TRPV4: variants seen among roughly 807,000 people sequenced by gnomAD.
TRPV4 encodes OSM9-like transient receptor potential channel 4.
A neutral mutation model predicts 84.1 loss-of-function variants in TRPV4; 58 were observed. The observed-to-expected ratio is 0.69, with a 90% confidence interval of 0.56 to 0.86. The LOEUF (loss-of-function observed/expected upper bound fraction) is 0.86. Among genes scored for constraint, TRPV4 ranks in the 40% least tolerant of loss-of-function variants. The pLI, the probability that TRPV4 is intolerant of heterozygous loss-of-function variation, is 0.00. For synonymous variants in TRPV4, 489 were observed against 500.9 expected, an observed-to-expected ratio of 0.98 and a Z score of 0.32; for missense variants, 879 against 1,181.1, an observed-to-expected ratio of 0.74 and a Z score of 3.75.
At chr12:109,797,279 G>A (rs959158571) in intron 6 of TRPV4, among the ~76,000 whole-genome samples, 6 of 152,028 alleles carry the variant, frequency 3.9e-5, no homozygotes, top group Non-Finnish European at 8.8e-5. Context: ...AGCCTCCTGA[G>A]TAGCTGGGAT....
chr12:109,796,005 C>G lies in TRPV4; in HGVS notation c.1332+520G>C, dbSNP rs572156242. On this transcript the variant is annotated intron_variant, in intron 7 of 15. Transcript: ENST00000261740. This position sits in a 1 kb window ranked among gnomAD's most constrained non-coding sequence, Gnocchi z 4.2. ...AACTCCTGGCTTCAAGCAATCCGCCCACCTTGGCTCCCCAAAATGCTAGAA... is the reference window on the plus strand; with the variant it reads ...AACTCCTGGCTTCAAGCAATCCGCCGACCTTGGCTCCCCAAAATGCTAGAA... 2.6e-5 allele frequency among the ~76,000 whole-genome samples: 4 copies of G among 152,166 alleles called. No individual in the cohort carries two copies. The South Asian group carries it at 8.3e-4, about 32-fold the overall frequency.
intron 7 of TRPV4, among the ~76,000 whole-genome samples, chr12:109,795,009 A>G (rs968634698): frequency 1.3e-5 from 2 of 152,016 alleles, no homozygotes; most frequent in African/African-American, 4.8e-5. Context: ...CAAGAGTGAG[A>G]CTCCATCTCA....
rs142017514 is a variant in TRPV4 at position 109,815,885 on chromosome 12, G to T, written c.-31-1058C>A. ...GCTGGACTTGAACCATGTCTCTCTG[G>T]CTCCCGGGTCCAGTGCTTAGCCAGG... On this transcript the variant is annotated intron_variant, in intron 1 of 15. Coordinates refer to ENST00000261740, the MANE Select transcript of TRPV4 (RefSeq NM_021625.5). This position sits in a 1 kb window ranked among gnomAD's most constrained non-coding sequence, Gnocchi z 4.1. 7.9e-5 allele frequency among the ~76,000 whole-genome samples: 12 copies of T among 152,354 alleles called. No homozygotes were observed. In the East Asian group the frequency reaches 9.6e-4, roughly 12 times the overall value.
Position 109,792,805 on chromosome 12 carries a change from A to G in TRPV4, c.1671T>C (p.Ser557=). 6.2e-7 allele frequency: 1 copy of G among 1,613,896 alleles called. No homozygotes were observed. Among genetic ancestry groups the G allele is most frequent in the Non-Finnish European group, 8.5e-7 (1 of 1,180,026 alleles). The stretch of plus-strand genomic sequence containing the variant: ...GGGCTGCTGAGACGATCACCAGGAC[A>G]GAGTAGATGAAGCTGCAGTGCAGCA... ...GSFQLLYFIY[S]VLVIVSAALY... The change falls in exon 11 of 16, where the codon TCT becomes TCC. Residue 557 remains serine, a synonymous_variant. Transcript: ENST00000261740.
chr12:109,827,635 T>C (rs1355449767), intron 1 of TRPV4, among the ~76,000 whole-genome samples: 4 of 151,220 alleles, frequency 2.6e-5, no homozygotes, highest in East Asian at 1.9e-4. Flanking sequence ...TATACACACA[T>C]ACATACATAT....
At chr12:109,797,397 G>T (rs1242186576) in intron 6 of TRPV4, among the ~76,000 whole-genome samples, 1 of 151,928 alleles carries the variant, frequency 6.6e-6, no homozygotes, top group Non-Finnish European at 1.5e-5. Context: ...CAGGTGATCC[G>T]CCCACCTCGG....
intron 3 of TRPV4, among the ~76,000 whole-genome samples, chr12:109,805,704 A>C (rs897195476): frequency 3.3e-5 from 5 of 152,178 alleles, no homozygotes; most frequent in Admixed American, 2.0e-4. Flanking sequence ...GGGCCCTGGC[A>C]CTTAATTAGT....
chr12:109,806,086 A>C (rs1891100400), intron 3 of TRPV4, among the ~76,000 whole-genome samples: 2 of 152,246 alleles, frequency 1.3e-5, no homozygotes, highest in African/African-American at 4.8e-5. Context: ...CTACTCCAGG[A>C]GCAGAGAGAA....
rs775922797 is a variant in TRPV4 at position 109,793,929 on chromosome 12, C to G, written c.1584+1G>C. The G allele has an allele frequency of 4.4e-6, 7 of 1,606,756 alleles. No homozygotes were observed. The highest frequency in any genetic ancestry group is 1.7e-5 in the Admixed American group (1 of 59,028). On this transcript the variant is annotated splice_donor_variant, in intron 9 of 15. Coordinates refer to ENST00000261740, the MANE Select transcript of TRPV4 (RefSeq NM_021625.5). LOFTEE classifies it high-confidence loss of function. The surrounding 1 kb of genome is among the most constrained non-coding windows in gnomAD (Gnocchi z 4.0). ...GGGGGGCACGGGGGCCAGGCACTTA[C>G]GTTGGTGAAGAAGAACAGGACCCCA...
rs754572256 is a variant in TRPV4 at position 109,784,296 on chromosome 12, G to A, written c.2458+20C>T. On this transcript the variant is annotated intron_variant, in intron 15 of 15. Coordinates refer to ENST00000261740, the MANE Select transcript of TRPV4 (RefSeq NM_021625.5). ...TGAGAATGGACTGGGGCTCCCCTCC[G>A]CACCCGCCCCTCCACTCACCCCTGC... 1.9e-5 allele frequency: 30 copies of A among 1,613,914 alleles called. No homozygotes were observed. The highest frequency in any genetic ancestry group is 2.2e-5 in the South Asian group (2 of 91,074).
intron 1 of TRPV4, among the ~76,000 whole-genome samples, chr12:109,827,454 G>A (rs1892284741): frequency 6.6e-6 from 1 of 151,918 alleles, no homozygotes; most frequent in Non-Finnish European, 1.5e-5. Flanking sequence ...GCAGGGACAG[G>A]AGTGAGCCAG....
Position 109,784,507 on chromosome 12 carries a change from C to T in TRPV4, c.2337-70G>A, listed in dbSNP as rs1028904083. On this transcript the variant is annotated intron_variant, in intron 14 of 15. Coordinates refer to ENST00000261740, the MANE Select transcript of TRPV4 (RefSeq NM_021625.5). ...GCTCTCCATGCCACCATCCCCAGCA[C>T]ACCCTCCTATTTTTTTATTATGGTA... 6 of 1,610,424 alleles carry T rather than the reference C, an allele frequency of 3.7e-6. No homozygotes were observed. In the African/African-American group the frequency reaches 5.3e-5, roughly 14 times the overall value.
intron 10 of TRPV4, 126 bp from the exon 11 acceptor site, chr12:109,792,943 A>G: frequency 2.2e-6 from 2 of 907,312 alleles, no homozygotes; most frequent in Non-Finnish European, 3.4e-6. Flanking sequence ...AGACCCCCAG[A>G]AAAGAAACAA....
At chr12:109,801,827 C>T (rs1183832401) in intron 4 of TRPV4, among the ~76,000 whole-genome samples, 2 of 151,960 alleles carry the variant, frequency 1.3e-5, no homozygotes, top group Non-Finnish European at 2.9e-5. Flanking sequence ...AAGACCTTGT[C>T]TCAAAAAAAA....
intron 12 of TRPV4, among the ~76,000 whole-genome samples, chr12:109,789,450 C>T (rs1889901395): frequency 6.6e-6 from 1 of 152,138 alleles, no homozygotes; most frequent in Non-Finnish European, 1.5e-5. Flanking sequence ...CCCACTCCAC[C>T]CCAACCCAGA....
chr12:109,824,310 G>T (rs1056724561), intron 1 of TRPV4, among the ~76,000 whole-genome samples: 2 of 152,040 alleles, frequency 1.3e-5, no homozygotes, highest in African/African-American at 4.8e-5. Context: ...AGGAGCTCAA[G>T]GATACAAAGT....
intron 1 of TRPV4, among the ~76,000 whole-genome samples, chr12:109,816,080 C>T (rs559827859): frequency 6.6e-6 from 1 of 152,374 alleles, no homozygotes; most frequent in Admixed American, 6.5e-5. Flanking sequence ...TTGTACATCT[C>T]ACCCTTCCCA....
intron 3 of TRPV4, among the ~76,000 whole-genome samples, chr12:109,807,881 A>G (rs1283416883): frequency 6.6e-6 from 1 of 152,174 alleles, no homozygotes; most frequent in Non-Finnish European, 1.5e-5. Context: ...CAGGAGCTCC[A>G]GGACTCCAGC....
intron 1 of TRPV4, among the ~76,000 whole-genome samples, chr12:109,832,958 G>T (rs1467359197): frequency 6.6e-6 from 1 of 152,058 alleles, no homozygotes; most frequent in Non-Finnish European, 1.5e-5. Context: ...AATTCCCTCC[G>T]ACATGCTCAG....
Sources: allele counts gnomAD v4.1 joint callset (sites outside exome capture counted in the v4.1 genomes callset), GRCh38; gene constraint gnomAD v4.1.1; non-coding constraint Gnocchi (gnomAD v3.1); transcripts MANE v1.5; gene names NCBI Gene and HGNC (gene_info 2026-07-23, HGNC 2026-07-21).